ABCA1: variants seen among roughly 807,000 people sequenced by gnomAD.
ABCA1 encodes the protein phospholipid-transporting ATPase ABCA1.
A neutral mutation model predicts 262.5 loss-of-function variants in ABCA1; 133 were observed. That is an observed-to-expected ratio of 0.51 (90% CI 0.44 to 0.59). The LOEUF is 0.59. ABCA1 is among the 20% of genes least tolerant of loss of function. The probability of loss-of-function intolerance (pLI) is 0.00; values close to 1 mark genes in which losing one functional copy is unlikely to be tolerated. For missense variants in ABCA1, 2,452 were observed against 2,777.5 expected, an observed-to-expected ratio of 0.88 and a Z score of 2.63; for synonymous variants, 1,022 against 1,043.5, an observed-to-expected ratio of 0.98 and a Z score of 0.40.
chr9:104,797,642 G>A lies in ABCA1; in HGVS notation c.5121+779C>T, dbSNP rs536120193. Among the ~76,000 whole-genome samples, 31 of 152,262 alleles carry A rather than the reference G, an allele frequency of 2.0e-4. No homozygotes were observed. In the South Asian group the frequency reaches 6.4e-3, roughly 32 times the overall value. On this transcript the variant is annotated intron_variant, in intron 37 of 49. Transcript: ENST00000374736. Reference sequence around the variant, plus strand: ...ATCAGAAGAGTGACACAGTCTAAGGGGCTTGGTATAAACAGCAAAGATCTC... The same window carrying A: ...ATCAGAAGAGTGACACAGTCTAAGGAGCTTGGTATAAACAGCAAAGATCTC...
At chr9:104,861,846 A>G (rs756976446) in intron 5 of ABCA1, 46 bp from the exon 6 acceptor site, 1 of 1,550,448 alleles carries the variant, frequency 6.4e-7, no homozygotes, top group Non-Finnish European at 8.8e-7. Context: ...GTAACTCAAA[A>G]AAAAAAAAAA....
intron 1 of ABCA1, among the ~76,000 whole-genome samples, chr9:104,913,864 C>T (rs1163020619): frequency 2.6e-5 from 4 of 152,172 alleles, no homozygotes; most frequent in Admixed American, 1.3e-4. Flanking sequence ...GGCGCGATCT[C>T]GGCTCACTGC....
intron 24 of ABCA1, among the ~76,000 whole-genome samples, chr9:104,816,795 T>C (rs1235219252): frequency 6.6e-6 from 1 of 152,138 alleles, no homozygotes; most frequent in Non-Finnish European, 1.5e-5. Flanking sequence ...GGTTCCCTCA[T>C]TTACCTAAAT....
rs745561979 is a variant in ABCA1, at chr9:104,822,475, G to C, written c.2828+21C>G. 3.7e-6 allele frequency: 6 copies of C among 1,612,438 alleles called. No homozygotes were observed. The Admixed American group carries it at 1.0e-4, about 27-fold the overall frequency. On this transcript the variant is annotated intron_variant, in intron 19 of 49. Transcript: ENST00000374736. ...GAACCCTCCTGTGGCTGATTCTGCG[G>C]GAACCACACCCTCTTCTTACATGGT...
intron 5 of ABCA1, among the ~76,000 whole-genome samples, chr9:104,880,236 G>A (rs1838511128): frequency 6.6e-6 from 1 of 152,202 alleles, no homozygotes; most frequent in Non-Finnish European, 1.5e-5. Context: ...ATCATGCTGT[G>A]ATGGGGTGTC....
chr9:104,802,863 G>A (rs973624371), intron 33 of ABCA1, among the ~76,000 whole-genome samples: 5 of 152,268 alleles, frequency 3.3e-5, no homozygotes, highest in South Asian at 2.1e-4. Flanking sequence ...TTTTAGTCCC[G>A]TGCTAAATGC....
chr9:104,833,436 C>T (rs1833524635), intron 11 of ABCA1, among the ~76,000 whole-genome samples: 1 of 152,192 alleles, frequency 6.6e-6, no homozygotes, highest in Non-Finnish European at 1.5e-5. Context: ...CCCACCTCAA[C>T]CTCCCCAAGT....
Position 104,836,992 on chromosome 9 carries a change from C to A in ABCA1, c.1299G>T (p.Met433Ile). The A allele has an allele frequency of 6.2e-7, 1 of 1,613,872 alleles. No individual in the cohort carries two copies. Among genetic ancestry groups the A allele is most frequent in the Non-Finnish European group, 8.5e-7 (1 of 1,179,766 alleles). The change falls in exon 11 of 50, where the codon ATG (methionine) becomes ATT (isoleucine). Residue 433 changes from methionine to isoleucine, a missense_variant. Physicochemically the swap from Met to Ile is conservative, Grantham distance 10. Around this residue, in one of 4 missense-constraint regions of ABCA1, gnomAD observed 1,032 missense variants for 1,089.7 expected, o/e 0.95. Transcript: ENST00000374736. ...GAGGGACACTCACCCGGACAAGGTC[C>A]ATTTCTTGGCTGTTCTCCATGAAGG... ...IWTFMENSQE[M>I]DLVRMLLDSR...
chr9:104,803,222 C>T, intron 33 of ABCA1, 62 bp downstream of exon 33: 1 of 1,578,262 alleles, frequency 6.3e-7, no homozygotes, highest in Non-Finnish European at 8.7e-7. Flanking sequence ...TTTCTTCAAT[C>T]CAAGACACCT....
At chr9:104,901,989 T>G (rs1007192571) in intron 2 of ABCA1, among the ~76,000 whole-genome samples, 4 of 152,178 alleles carry the variant, frequency 2.6e-5, no homozygotes, top group Non-Finnish European at 5.9e-5. Context: ...ACTTTACAAT[T>G]ATTATTAAAA....
chr9:104,922,133 C>T (rs188378746), intron 1 of ABCA1, among the ~76,000 whole-genome samples: 59 of 152,316 alleles, frequency 3.9e-4, no homozygotes, highest in African/African-American at 1.4e-3. Context: ...AGTGCTCCTC[C>T]ATTGTTGGAA....
intron 4 of ABCA1, 120 bp from the exon 5 acceptor site, chr9:104,883,277 G>C: frequency 1.2e-6 from 1 of 848,334 alleles, no homozygotes; most frequent in South Asian, 1.3e-5. Context: ...CCACAGGCTG[G>C]CCCTAACCCA....
At chr9:104,829,943 TACACACACACACAC>T (rs59055896) in intron 14 of ABCA1, among the ~76,000 whole-genome samples, 15 of 140,902 alleles carry the variant, frequency 1.1e-4, no homozygotes, top group Admixed American at 3.6e-4. Flanking sequence ...TCCTGATCCC[TACACACACACACAC>T]ACACACACAC....
In ABCA1 at chr9:104,831,908, C is replaced by T; in HGVS notation, c.1510-81G>A. The T allele has an allele frequency of 2.4e-6, 3 of 1,234,654 alleles. No homozygotes were observed. In the Admixed American group the frequency reaches 5.1e-5, roughly 21 times the overall value. The allele number at this position is 1,234,654 out of a possible 1,614,324, so 76.5% of individuals were successfully genotyped here. On this transcript the variant is annotated intron_variant, in intron 12 of 49. Coordinates refer to ENST00000374736, the MANE Select transcript of ABCA1 (RefSeq NM_005502.4). ...CTGAGACAAATCCTACACTAGGAGG[C>T]AAGGGCTGACTACACGATTGCTCAT...
In ABCA1 at chr9:104,818,780, G is replaced by T. The variant is rs750746203; in HGVS notation, c.3345C>A (p.Ser1115=). 1 of 1,614,038 alleles carries T rather than the reference G, an allele frequency of 6.2e-7. No individual in the cohort carries two copies. The highest frequency in any genetic ancestry group is 8.5e-7 in the Non-Finnish European group (1 of 1,180,034). ...TTCCCAGCTGGTTCTTCAGAAACAG[G>T]GAGGAGCCCACACAGCACAGCTTCC... ...SHGKLCCVGS[S]LFLKNQLGTG... Residue 1115 remains serine, a synonymous_variant, in exon 23 of 50, where the codon TCC becomes TCA. Coordinates refer to ENST00000374736, the MANE Select transcript of ABCA1 (RefSeq NM_005502.4).
intron 1 of ABCA1, among the ~76,000 whole-genome samples, chr9:104,914,848 T>G: frequency 6.6e-6 from 1 of 152,020 alleles, no homozygotes; most frequent in Admixed American, 6.5e-5. Flanking sequence ...CAAGCAGGAG[T>G]GCATTTAATC....
intron 25 of ABCA1, 85 bp downstream of exon 25, chr9:104,816,058 A>G: frequency 6.9e-7 from 1 of 1,439,436 alleles, no homozygotes; most frequent in South Asian, 1.1e-5. Context: ...ACTCCATGAT[A>G]ATCCTGCTCC....
chr9:104,806,954 A>G (rs1271103784), intron 30 of ABCA1, among the ~76,000 whole-genome samples: 1 of 152,196 alleles, frequency 6.6e-6, no homozygotes, highest in Non-Finnish European at 1.5e-5. Flanking sequence ...AAACATAACA[A>G]TGATGGAGAA....
chr9:104,802,073 T>C lies in ABCA1; in HGVS notation c.4679A>G (p.Lys1560Arg). ...EVNDAIKQMK[K>R]HLKLAKDSSA... ...TTTTACCTTGGCCAGCTTTAGGTGT[T>C]TCTTCATTTGTTTGATGGCATCATT... Residue 1560 changes from lysine to arginine, a missense_variant, in exon 34 of 50, where the codon AAA becomes AGA. Transcript: ENST00000374736. 6.2e-7 allele frequency: 1 copy of C among 1,614,178 alleles called. No homozygotes were observed. Among genetic ancestry groups the C allele is most frequent in the African/African-American group, 1.3e-5 (1 of 75,034 alleles).
Sources: allele counts gnomAD v4.1 joint callset (sites outside exome capture counted in the v4.1 genomes callset), GRCh38; gene constraint gnomAD v4.1.1; regional missense constraint gnomAD v4.1.1; transcripts MANE v1.5; gene names NCBI Gene and HGNC (gene_info 2026-07-23, HGNC 2026-07-21).